The following COL19A1 variants were observed in gnomAD, a reference collection of about 807,000 sequenced individuals.
COL19A1 encodes collagen alpha-1(XIX) chain.
In COL19A1, 159 loss-of-function variants were observed where a neutral mutation model predicts 190.2. That is an observed-to-expected ratio of 0.84 (90% CI 0.73 to 0.95). The LOEUF is 0.95. Ranked by LOEUF, COL19A1 falls within the 40% of genes least tolerant of loss-of-function variation. The probability of loss-of-function intolerance (pLI) is 0.00; values close to 1 mark genes in which losing one functional copy is unlikely to be tolerated. For missense variants in COL19A1, 1,418 were observed against 1,431.9 expected (o/e 0.99, Z 0.16); for synonymous variants, 509 against 458.9 (o/e 1.11, Z -1.39).
intron 12 of COL19A1, among the ~76,000 whole-genome samples, chr6:70,024,686 C>A (rs1778635461): frequency 6.6e-6 from 1 of 151,688 alleles, no homozygotes; most frequent in South Asian, 2.1e-4. Context: ...GTTAATGTTT[C>A]TATGTATGTT....
rs149359013 is a variant in COL19A1, at chr6:70,210,879, G to T, written c.*3605G>T. On this transcript the variant is annotated 3_prime_UTR_variant, in exon 51 of 51. Transcript: ENST00000620364. ...TTATGAAACAGGCACAGTACCCTTT[G>T]GTTTGTTGACTGTTTTGATTTTATT... 1.3e-5 allele frequency among the ~76,000 whole-genome samples: 2 copies of T among 151,686 alleles called. No homozygotes were observed. Among genetic ancestry groups the T allele is most frequent in the East Asian group, 3.9e-4 (2 of 5,158 alleles).
At chr6:69,882,131 T>C (rs1353550041) in intron 2 of COL19A1, among the ~76,000 whole-genome samples, 1 of 152,186 alleles carries the variant, frequency 6.6e-6, no homozygotes, top group Non-Finnish European at 1.5e-5. Flanking sequence ...ATATGACAGA[T>C]AGATTGGACC....
intron 23 of COL19A1, among the ~76,000 whole-genome samples, chr6:70,143,072 T>C (rs573732724): frequency 6.6e-6 from 1 of 152,292 alleles, no homozygotes; most frequent in Non-Finnish European, 1.5e-5. Context: ...GTTAATCAAA[T>C]TGTCATTTTG....
intron 43 of COL19A1, 26 bp downstream of exon 43, chr6:70,180,382 A>G (rs933767824): frequency 6.2e-7 from 1 of 1,614,078 alleles, no homozygotes; most frequent in Non-Finnish European, 8.5e-7. Flanking sequence ...CTTTCATGAC[A>G]GTTGTACTTG....
chr6:70,021,631 C>T (rs1778421214), intron 11 of COL19A1, among the ~76,000 whole-genome samples: 1 of 152,044 alleles, frequency 6.6e-6, no homozygotes, highest in South Asian at 2.1e-4. Flanking sequence ...TCTTATTTTG[C>T]TTCCTGTCAT....
intron 33 of COL19A1, 119 bp from the exon 34 acceptor site, chr6:70,156,551 A>G (rs1787453556): frequency 8.5e-7 from 1 of 1,180,436 alleles, no homozygotes; most frequent in Non-Finnish European, 1.2e-6. Context: ...GTTGCCATTT[A>G]TTTGTTCCCT....
chr6:69,972,750 A>G (rs1246872569), intron 11 of COL19A1, among the ~76,000 whole-genome samples: 1 of 152,230 alleles, frequency 6.6e-6, no homozygotes, highest in Non-Finnish European at 1.5e-5. Flanking sequence ...TTAACCTAGT[A>G]TATTTCCAAT....
At chr6:69,924,141 T>A (rs1410725390) in intron 4 of COL19A1, among the ~76,000 whole-genome samples, 1 of 152,156 alleles carries the variant, frequency 6.6e-6, no homozygotes, top group Non-Finnish European at 1.5e-5. Context: ...CTAGGGTACA[T>A]GTGCACAATG....
intron 12 of COL19A1, among the ~76,000 whole-genome samples, chr6:70,031,958 T>A (rs1779099030): frequency 6.6e-6 from 1 of 152,152 alleles, no homozygotes; most frequent in Admixed American, 6.6e-5. Context: ...TAAAAAGCGA[T>A]AAGGAAGACA....
At chr6:70,063,697 G>C (rs1341627839) in intron 14 of COL19A1, among the ~76,000 whole-genome samples, 1 of 152,110 alleles carries the variant, frequency 6.6e-6, no homozygotes, top group Admixed American at 6.6e-5. Context: ...CCAGGAGCTG[G>C]TTTTTTGAAA....
At chr6:70,008,702 T>C (rs6939159) in intron 11 of COL19A1, among the ~76,000 whole-genome samples, 5 of 151,884 alleles carry the variant, frequency 3.3e-5, no homozygotes, top group Non-Finnish European at 7.4e-5. Context: ...AATATTACTC[T>C]GATACTGCAA....
chr6:70,097,029 G>T (rs1173570985), intron 15 of COL19A1, among the ~76,000 whole-genome samples: 1 of 152,058 alleles, frequency 6.6e-6, no homozygotes, highest in Non-Finnish European at 1.5e-5. Context: ...TCCAATTACT[G>T]CTCTAACTTC....
chr6:70,145,195 A>G (rs932041001), intron 25 of COL19A1, among the ~76,000 whole-genome samples, 188 bp downstream of exon 25: 4 of 152,174 alleles, frequency 2.6e-5, no homozygotes, highest in African/African-American at 4.8e-5. Flanking sequence ...AAAAGAAAAT[A>G]AATAGTTCTA....
rs758396840 is a variant in COL19A1, at chr6:70,161,949, C to G, written c.2342C>G (p.Pro781Arg). 1.2e-6 allele frequency: 2 copies of G among 1,600,566 alleles called. No homozygotes were observed. The highest frequency in any genetic ancestry group is 3.5e-5 in the Admixed American group (2 of 57,396). Residue 781 changes from proline (P) to arginine (R), a missense_variant, in exon 35 of 51, where the codon CCC becomes CGC. Transcript: ENST00000620364. ...CCAGGTGCTCCAGGCCCGACTGGACCCCCTGTAAGTATTTGTTAAAACGAT... is the reference window on the plus strand; with the variant it reads ...CCAGGTGCTCCAGGCCCGACTGGACGCCCTGTAAGTATTTGTTAAAACGAT... Reference protein sequence around the residue: ...GIPGAPGPTGPPGLMGRTGHP... With the variant: ...GIPGAPGPTGRPGLMGRTGHP...
chr6:70,085,438 T>G (rs1782520562), intron 15 of COL19A1, among the ~76,000 whole-genome samples: 1 of 152,234 alleles, frequency 6.6e-6, no homozygotes, highest in Non-Finnish European at 1.5e-5. Context: ...CTTTTCCATT[T>G]AGTAAAGTGC....
intron 31 of COL19A1, 107 bp downstream of exon 31, chr6:70,151,545 A>G: frequency 1.0e-6 from 1 of 992,494 alleles, no homozygotes; most frequent in Non-Finnish European, 1.6e-6. Flanking sequence ...CTAAAATTCA[A>G]TTTTTAAATG....
At chr6:70,096,475 C>T (rs907627437) in intron 15 of COL19A1, among the ~76,000 whole-genome samples, 6 of 152,070 alleles carry the variant, frequency 3.9e-5, no homozygotes, top group African/African-American at 1.4e-4. Flanking sequence ...TGGGTGTATG[C>T]AGTAGGAATT....
intron 15 of COL19A1, among the ~76,000 whole-genome samples, chr6:70,082,082 G>C (rs936212398): frequency 1.3e-5 from 2 of 152,060 alleles, no homozygotes; most frequent in African/African-American, 4.8e-5. Context: ...TAACAAGTTT[G>C]ATAAAACATT....
chr6:69,891,404 G>A (rs1769340584), intron 2 of COL19A1, among the ~76,000 whole-genome samples: 1 of 152,066 alleles, frequency 6.6e-6, no homozygotes, highest in Non-Finnish European at 1.5e-5. Context: ...TGAGAAGAAA[G>A]GAAAATAAGA....
Sources: allele counts gnomAD v4.1 joint callset (sites outside exome capture counted in the v4.1 genomes callset), GRCh38; gene constraint gnomAD v4.1.1; transcripts MANE v1.5; gene names NCBI Gene and HGNC (gene_info 2026-07-23, HGNC 2026-07-21).